Variants in ERBB4 observed in about 807,000 individuals in gnomAD.
ERBB4 encodes receptor tyrosine-protein kinase erbB-4.
In ERBB4, 42 loss-of-function variants were observed where a neutral mutation model predicts 158.0. That is an observed-to-expected ratio of 0.27 (90% CI 0.21 to 0.34). The LOEUF (loss-of-function observed/expected upper bound fraction) is 0.34, where lower values mean the gene tolerates loss of function less well. Among genes scored for constraint, ERBB4 ranks in the 10% least tolerant of loss-of-function variants. ERBB4 has a pLI of 1.00. For synonymous variants in ERBB4, 583 were observed against 558.7 expected (o/e 1.04, Z -0.61); for missense variants, 1,333 against 1,624.1 (o/e 0.82, Z 3.08).
At chr2:211,560,788 C>A (rs73075186) in intron 20 of ERBB4, among the ~76,000 whole-genome samples, 37,537 of 151,898 alleles carry the variant, frequency 0.25, 5,513 homozygotes, top group African/African-American at 0.4. Flanking sequence ...AACTCTACTG[C>A]GAGTTATGGT....
At chr2:211,970,759 C>A (rs866503966) in intron 2 of ERBB4, among the ~76,000 whole-genome samples, 1 of 152,094 alleles carries the variant, frequency 6.6e-6, no homozygotes, top group Non-Finnish European at 1.5e-5. Flanking sequence ...TTATTTTGAG[C>A]CTATGTGTGT....
At chr2:211,693,011 C>G (rs1357749992) in intron 12 of ERBB4, among the ~76,000 whole-genome samples, 2 of 152,096 alleles carry the variant, frequency 1.3e-5, no homozygotes, top group Non-Finnish European at 1.5e-5. Context: ...CATACCCCTT[C>G]CCCATGTTGA....
At chr2:212,011,104 C>T (rs2076376127) in intron 2 of ERBB4, among the ~76,000 whole-genome samples, 1 of 152,084 alleles carries the variant, frequency 6.6e-6, no homozygotes, top group South Asian at 2.1e-4. Flanking sequence ...GTACAGCTAA[C>T]ACAATTATCA....
chr2:212,003,540 C>T (rs2076190393), intron 2 of ERBB4, among the ~76,000 whole-genome samples: 1 of 151,716 alleles, frequency 6.6e-6, no homozygotes, highest in African/African-American at 2.4e-5. Context: ...AAAACACCAC[C>T]TCTCTACACC....
intron 1 of ERBB4, among the ~76,000 whole-genome samples, chr2:212,273,524 A>G (rs2085415896): frequency 6.6e-6 from 1 of 151,826 alleles, no homozygotes; most frequent in African/African-American, 2.4e-5. Context: ...TGTGGTTTAC[A>G]TCCTTCCAAG....
chr2:211,820,311 C>G (rs1316267527), intron 3 of ERBB4, among the ~76,000 whole-genome samples: 3 of 151,700 alleles, frequency 2.0e-5, no homozygotes, highest in Non-Finnish European at 1.5e-5. Context: ...CAACTATATG[C>G]CAATAAATTT....
At chr2:212,001,347 C>A (rs1489199096) in intron 2 of ERBB4, among the ~76,000 whole-genome samples, 1 of 152,054 alleles carries the variant, frequency 6.6e-6, no homozygotes, top group African/African-American at 2.4e-5. Context: ...CCTTAGATTA[C>A]TATATCTTTC....
At chr2:211,887,439 T>C (rs1196311686) in intron 3 of ERBB4, among the ~76,000 whole-genome samples, 3 of 152,198 alleles carry the variant, frequency 2.0e-5, no homozygotes, top group African/African-American at 7.2e-5. Context: ...ATAATAGCTC[T>C]AAAATGCCAT....
chr2:212,322,193 G>A (rs2087597252), intron 1 of ERBB4, among the ~76,000 whole-genome samples: 2 of 150,444 alleles, frequency 1.3e-5, no homozygotes, highest in South Asian at 4.2e-4. Context: ...GAACTGAAGA[G>A]TGAACTGGCT....
intron 15 of ERBB4, among the ~76,000 whole-genome samples, chr2:211,662,764 G>A (rs887834387): frequency 3.9e-5 from 6 of 152,142 alleles, no homozygotes; most frequent in African/African-American, 1.4e-4. Flanking sequence ...TAGTAAAAGT[G>A]CTTTTAAAGT....
At chr2:211,869,753 A>G (rs946830424) in intron 3 of ERBB4, among the ~76,000 whole-genome samples, 1 of 152,162 alleles carries the variant, frequency 6.6e-6, no homozygotes, top group Non-Finnish European at 1.5e-5. Flanking sequence ...GAGTGAAATT[A>G]TTGCATCTTC....
chr2:211,514,834 G>T (rs554470784), intron 20 of ERBB4, among the ~76,000 whole-genome samples: 1 of 152,076 alleles, frequency 6.6e-6, no homozygotes, highest in Non-Finnish European at 1.5e-5. Context: ...GAAACATTCC[G>T]ATGAGCATTT....
At chr2:212,310,993 C>G (rs2087020692) in intron 1 of ERBB4, among the ~76,000 whole-genome samples, 1 of 150,674 alleles carries the variant, frequency 6.6e-6, no homozygotes, top group South Asian at 2.1e-4. Flanking sequence ...TAAAGCATAG[C>G]CTGTTTTGCA....
intron 1 of ERBB4, among the ~76,000 whole-genome samples, chr2:212,368,645 T>C (rs2089977824): frequency 6.6e-6 from 1 of 152,156 alleles, no homozygotes. Context: ...TGTTTGAGGC[T>C]GAGGAAGTCA....
chr2:212,027,168 GT>G (rs1406771788), intron 2 of ERBB4, among the ~76,000 whole-genome samples: 1 of 151,926 alleles, frequency 6.6e-6, no homozygotes, highest in African/African-American at 2.4e-5. Context: ...GTTTATTCAT[GT>G]AAAAACCAAG....
At chr2:211,448,685 C>A (rs773646826) in intron 20 of ERBB4, among the ~76,000 whole-genome samples, 2 of 152,074 alleles carry the variant, frequency 1.3e-5, no homozygotes, top group Middle Eastern at 3.2e-3. Context: ...TGCATTACAA[C>A]CCCATCAATT....
chr2:212,233,010 A>C (rs375077407), intron 1 of ERBB4, among the ~76,000 whole-genome samples: 1 of 152,246 alleles, frequency 6.6e-6, no homozygotes, highest in African/African-American at 2.4e-5. Context: ...CTTATTCCTG[A>C]ATGCATTGAA....
intron 20 of ERBB4, among the ~76,000 whole-genome samples, chr2:211,456,318 G>A (rs537002759): frequency 3.3e-4 from 51 of 152,262 alleles, no homozygotes; most frequent in African/African-American, 1.2e-3. Context: ...GACAAACAAT[G>A]TAAGGATATA....
Position 212,477,919 on chromosome 2 carries a change from AG to A in ERBB4, c.82+60529del, listed in dbSNP as rs544458338. On this transcript the variant is annotated intron_variant, in intron 1 of 27. Transcript: ENST00000342788. ...CTTGCAATGTGTGAAAAGAAAGAAC[AG>A]GGAAGTGTTCAGATGTTTACCTGCT... Among the ~76,000 whole-genome samples the A allele has an allele frequency of 3.2e-4, 48 of 152,270 alleles. No individual in the cohort carries two copies. In the East Asian group the frequency reaches 8.7e-3, roughly 28 times the overall value.
Sources: allele counts gnomAD v4.1 joint callset (sites outside exome capture counted in the v4.1 genomes callset), GRCh38; gene constraint gnomAD v4.1.1; transcripts MANE v1.5; gene names NCBI Gene and HGNC (gene_info 2026-07-23, HGNC 2026-07-21).